STK32C: variants seen among roughly 807,000 people sequenced by gnomAD.
STK32C encodes the protein serine/threonine-protein kinase 32C.
STK32C carries 31 observed loss-of-function variants against 56.5 expected under a neutral mutation model. The ratio of observed to expected loss-of-function variants is 0.55; its 90% CI spans 0.41 to 0.74. The LOEUF (loss-of-function observed/expected upper bound fraction) is 0.74. Ranked by LOEUF, STK32C falls within the 30% of genes least tolerant of loss-of-function variation. The pLI, the probability that STK32C is intolerant of heterozygous loss-of-function variation, is 0.00. For synonymous variants in STK32C, 309 were observed against 289.4 expected (o/e 1.07, Z -0.69); for missense variants, 544 against 676.9 (o/e 0.80, Z 2.18).
At chr10:132,211,652 A>G (rs2062303341) in intron 10 of STK32C, among the ~76,000 whole-genome samples, 1 of 152,186 alleles carries the variant, frequency 6.6e-6, no homozygotes, top group African/African-American at 2.4e-5. Context: ...TTCCTCTGAC[A>G]GCCCCTGCCT....
chr10:132,251,616 G>A (rs556044916), intron 1 of STK32C, among the ~76,000 whole-genome samples: 2 of 152,228 alleles, frequency 1.3e-5, no homozygotes, highest in East Asian at 1.9e-4. Context: ...ACCTCAGATC[G>A]ACTCTGGCTT....
chr10:132,236,548 G>A (rs992026461), intron 2 of STK32C, among the ~76,000 whole-genome samples: 1 of 152,226 alleles, frequency 6.6e-6, no homozygotes, highest in African/African-American at 2.4e-5. Flanking sequence ...GGACAGCCAG[G>A]AAGGCAGCCC....
At chr10:132,296,444 A>G (rs1376610450) in intron 1 of STK32C, among the ~76,000 whole-genome samples, 1 of 152,040 alleles carries the variant, frequency 6.6e-6, no homozygotes, top group East Asian at 1.9e-4. Flanking sequence ...ACGTAAGGGG[A>G]AACTGCTTCT....
chr10:132,331,876 G>A (rs556234468), upstream of STK32C: 5 of 1,224,814 alleles, frequency 4.1e-6, no homozygotes, highest in South Asian at 4.3e-5. Flanking sequence ...TGCGTGCGCA[G>A]GCGCACCACC....
intron 1 of STK32C, among the ~76,000 whole-genome samples, chr10:132,276,147 T>A (rs991674360): frequency 6.6e-6 from 1 of 152,052 alleles, no homozygotes; most frequent in Admixed American, 6.6e-5. Flanking sequence ...CGGTCAGCAA[T>A]TTTCGAGTCC....
chr10:132,238,465 C>T (rs1296836703), intron 2 of STK32C, among the ~76,000 whole-genome samples: 1 of 152,134 alleles, frequency 6.6e-6, no homozygotes, highest in Non-Finnish European at 1.5e-5. Context: ...TTAGTGGAGG[C>T]TTCCTCGGGA....
chr10:132,224,680 G>C (rs1385569113), intron 7 of STK32C, among the ~76,000 whole-genome samples, 157 bp from the exon 8 acceptor site: 2 of 151,710 alleles, frequency 1.3e-5, no homozygotes, highest in African/African-American at 2.4e-5. Context: ...CTGCCGCGGA[G>C]GAGCCTGGGT....
chr10:132,287,659 G>C (rs939277037), intron 1 of STK32C, among the ~76,000 whole-genome samples: 2 of 151,694 alleles, frequency 1.3e-5, no homozygotes, highest in Admixed American at 1.3e-4. Flanking sequence ...CACCATGTTG[G>C]CCAGGCTGGT....
intron 10 of STK32C, among the ~76,000 whole-genome samples, chr10:132,212,983 C>G (rs559370837): frequency 6.6e-6 from 1 of 152,212 alleles, no homozygotes; most frequent in Non-Finnish European, 1.5e-5. Context: ...CGGCCGGGGC[C>G]GTGTGCAGAA....
chr10:132,229,263 T>C (rs1205809374), intron 2 of STK32C, among the ~76,000 whole-genome samples: 1 of 152,172 alleles, frequency 6.6e-6, no homozygotes, highest in Non-Finnish European at 1.5e-5. Flanking sequence ...CTCAAGGAGT[T>C]GGAGCCCAGC....
Position 132,207,894 on chromosome 10 carries a change from G to T in STK32C, c.*116C>A. The T allele has an allele frequency of 8.5e-7, 1 of 1,179,570 alleles. No individual in the cohort carries two copies. The highest frequency in any genetic ancestry group is 1.1e-6 in the Non-Finnish European group (1 of 934,404). 73.1% of individuals were successfully genotyped at this position (1,179,570 alleles called of 1,614,324 possible). On this transcript the variant is annotated 3_prime_UTR_variant, in exon 12 of 12. Transcript: ENST00000298630. ...TGTGAAATGTGTCCGGGGCACTGTG[G>T]GCACCGCCAGCCAGGCTGGGTGGGA...
In STK32C at chr10:132,225,630, G is replaced by C; in HGVS notation, c.683-14C>G. On this transcript the variant is annotated splice_polypyrimidine_tract_variant and intron_variant, in intron 5 of 11. Coordinates refer to ENST00000298630, the MANE Select transcript of STK32C (RefSeq NM_173575.4). ...GGTGTGCATGTCCTGTGCAGAGAGG[G>C]GTCAGGTGTGGCTGTCCCAGGACCA... 1 of 1,609,020 alleles carries C rather than the reference G, an allele frequency of 6.2e-7. No individual in the cohort carries two copies. The highest frequency in any genetic ancestry group is 8.5e-7 in the Non-Finnish European group (1 of 1,176,316).
chr10:132,246,276 C>T (rs956768580), intron 1 of STK32C, among the ~76,000 whole-genome samples: 3 of 152,236 alleles, frequency 2.0e-5, no homozygotes, highest in African/African-American at 7.2e-5. Flanking sequence ...GGGCTGTCTT[C>T]CCAGGCACCA....
chr10:132,209,389 C>T, intron 10 of STK32C: 1 of 645,776 alleles, frequency 1.5e-6, no homozygotes, highest in Non-Finnish European at 2.9e-6. Flanking sequence ...AGAAGCTGTT[C>T]TCTGCGGGAC....
chr10:132,225,243 A>T lies in STK32C; in HGVS notation c.866T>A (p.Leu289Gln). 6.2e-7 allele frequency: 1 copy of T among 1,610,486 alleles called. No homozygotes were observed. The stretch of plus-strand genomic sequence containing the variant: ...GCAGGGGGTCCATACCCATCCTCGC[A>T]GCAGCTCATAGGCCATCACCCCCAC... ...WSVGVMAYEL[L>Q]RGWRPYDIHS... is the part of the protein sequence containing the mutation. Residue 289 changes from leucine to glutamine, a missense_variant, in exon 7 of 12, where the codon CTG (leucine) becomes CAG (glutamine). Coordinates refer to ENST00000298630, the MANE Select transcript of STK32C (RefSeq NM_173575.4).
rs572636067 is a variant in STK32C, at chr10:132,223,031, C to T, written c.994-45G>A. ...AGAGGGTCCAGGGCCCACAGCCCACCAGCACGGAATAGCCCGCCACCCCCA... is the reference window on the plus strand; with the variant it reads ...AGAGGGTCCAGGGCCCACAGCCCACTAGCACGGAATAGCCCGCCACCCCCA... On this transcript the variant is annotated intron_variant, in intron 8 of 11. Coordinates refer to ENST00000298630, the MANE Select transcript of STK32C (RefSeq NM_173575.4). 3.3e-6 allele frequency: 5 copies of T among 1,532,640 alleles called. No individual in the cohort carries two copies. In the East Asian group the frequency reaches 9.8e-5, roughly 30 times the overall value. The allele number at this position is 1,532,640 out of a possible 1,614,324, so 94.9% of individuals were successfully genotyped here. A position where few individuals can be genotyped will look rare whatever the true frequency, so the allele number is the denominator to read the frequency against.
chr10:132,252,417 G>A (rs2063941307), intron 1 of STK32C, among the ~76,000 whole-genome samples: 1 of 152,282 alleles, frequency 6.6e-6, no homozygotes, highest in Non-Finnish European at 1.5e-5. Flanking sequence ...CGGGGACCAA[G>A]ACTGGTCTGT....
chr10:132,241,174 GC>G (rs1247072156), intron 2 of STK32C, among the ~76,000 whole-genome samples: 3 of 152,292 alleles, frequency 2.0e-5, no homozygotes, highest in Non-Finnish European at 2.9e-5. Context: ...ACCCACACCT[GC>G]TGCCCAGGCT....
chr10:132,244,125 T>C (rs966033121), intron 2 of STK32C, among the ~76,000 whole-genome samples: 1 of 152,090 alleles, frequency 6.6e-6, no homozygotes, highest in African/African-American at 2.4e-5. Flanking sequence ...TCCAGGTCAG[T>C]GACAGGCCTC....
Sources: gnomAD v4.1 joint callset for allele counts (sites outside exome capture counted in the v4.1 genomes callset) on GRCh38, gnomAD v4.1.1 for gene constraint, MANE v1.5 for transcripts, NCBI Gene and HGNC (gene_info 2026-07-23, HGNC 2026-07-21) for gene names.